The following CPQ variants were observed in gnomAD, a reference collection of about 807,000 sequenced individuals.
CPQ encodes the protein Ser-Met dipeptidase.
In CPQ, 37 loss-of-function variants were observed where a neutral mutation model predicts 45.7. The observed-to-expected ratio is 0.81, with a 90% CI of 0.62 to 1.07. The LOEUF is 1.07. Among genes scored for constraint, CPQ ranks in the 50% least tolerant of loss-of-function variants. The pLI is 0.00. For synonymous variants in CPQ, 186 were observed against 205.8 expected (o/e 0.90, Z 0.82); for missense variants, 537 against 572.9 (o/e 0.94, Z 0.64).
At chr8:97,027,162 A>T (rs1485766521) in intron 5 of CPQ, among the ~76,000 whole-genome samples, 4 of 152,238 alleles carry the variant, frequency 2.6e-5, no homozygotes, top group Non-Finnish European at 4.4e-5. Flanking sequence ...CTTTAAGCAC[A>T]TTCCTTTGAA....
intron 1 of CPQ, among the ~76,000 whole-genome samples, chr8:96,754,857 T>G (rs181233218): frequency 7.9e-5 from 12 of 152,122 alleles, no homozygotes; most frequent in African/African-American, 2.6e-4. Context: ...TTTCTTATTC[T>G]GTATCTTTCT....
At chr8:96,931,922 A>C (rs2130919185) in intron 4 of CPQ, among the ~76,000 whole-genome samples, 1 of 152,074 alleles carries the variant, frequency 6.6e-6, no homozygotes, top group South Asian at 2.1e-4. Context: ...ATCCCTCTGG[A>C]CTATTTCCCT....
At chr8:97,059,421 G>A (rs1810509650) in intron 6 of CPQ, among the ~76,000 whole-genome samples, 1 of 152,124 alleles carries the variant, frequency 6.6e-6, no homozygotes, top group Non-Finnish European at 1.5e-5. Flanking sequence ...GCTGCAGCCA[G>A]TTGAGCTATC....
chr8:96,773,041 A>G (rs750049932), intron 1 of CPQ, among the ~76,000 whole-genome samples: 28 of 152,342 alleles, frequency 1.8e-4, no homozygotes, highest in Non-Finnish European at 1.5e-4. Flanking sequence ...AGGAACAGCC[A>G]GGACCAGGTC....
intron 2 of CPQ, 78 bp from the exon 3 acceptor site, chr8:96,834,895 G>C: frequency 8.1e-7 from 1 of 1,232,052 alleles, no homozygotes; most frequent in South Asian, 1.4e-5. Flanking sequence ...GAAAGAGCAT[G>C]TATGTGACCT....
intron 3 of CPQ, among the ~76,000 whole-genome samples, chr8:96,868,456 C>G (rs1326966696): frequency 6.6e-6 from 1 of 151,982 alleles, no homozygotes; most frequent in Non-Finnish European, 1.5e-5. Context: ...CAGGGTGTTT[C>G]TTTAGTTGAC....
At chr8:96,931,925 A>G (rs954934281) in intron 4 of CPQ, among the ~76,000 whole-genome samples, 3 of 151,668 alleles carry the variant, frequency 2.0e-5, no homozygotes, top group Non-Finnish European at 4.4e-5. Flanking sequence ...CCTCTGGACT[A>G]TTTCCCTTTA....
intron 7 of CPQ, among the ~76,000 whole-genome samples, chr8:97,078,687 T>C (rs956238409): frequency 4.6e-5 from 7 of 152,152 alleles, no homozygotes; most frequent in Admixed American, 2.0e-4. Context: ...GTTTTTAGTA[T>C]GTATATTCTA....
chr8:96,670,929 G>A (rs1315587839), intron 1 of CPQ, among the ~76,000 whole-genome samples: 2 of 145,076 alleles, frequency 1.4e-5, no homozygotes, highest in Non-Finnish European at 1.5e-5. Flanking sequence ...GCAACAGGAC[G>A]GACGGATCCT....
chr8:96,930,349 A>G (rs1812956327), intron 4 of CPQ, among the ~76,000 whole-genome samples: 1 of 152,160 alleles, frequency 6.6e-6, no homozygotes, highest in South Asian at 2.1e-4. Flanking sequence ...AGTTAATCCA[A>G]AGAGTTGGTT....
intron 1 of CPQ, among the ~76,000 whole-genome samples, chr8:96,730,161 A>G (rs1191873408): frequency 6.6e-6 from 1 of 152,246 alleles, no homozygotes. Context: ...ATAGACCTTT[A>G]TAAAAGAACT....
chr8:96,717,024 AATATATATATATATATATATATATATAT>A (rs58338307), intron 1 of CPQ, among the ~76,000 whole-genome samples: 1,082 of 56,574 alleles, frequency 0.019, 73 homozygotes, highest in African/African-American at 0.071. Flanking sequence ...CCATGATATA[AATATATATATATATATATATATATATAT>A]ATATATATAT....
intron 1 of CPQ, among the ~76,000 whole-genome samples, chr8:96,772,975 A>G (rs1314459091): frequency 6.6e-6 from 1 of 152,200 alleles, no homozygotes; most frequent in Non-Finnish European, 1.5e-5. Flanking sequence ...ATGCCACCCC[A>G]TTTTTAAATA....
chr8:97,036,401 G>A (rs1810007745), intron 6 of CPQ, among the ~76,000 whole-genome samples: 1 of 152,044 alleles, frequency 6.6e-6, no homozygotes, highest in Non-Finnish European at 1.5e-5. Context: ...AATTTAACTG[G>A]CATTCACTTA....
rs111717553 is a variant in CPQ at position 96,646,584 on chromosome 8, C to T, written c.-35+1182C>T. Among the ~76,000 whole-genome samples the T allele has an allele frequency of 2.5e-3, 382 of 152,334 alleles. 3 individuals are homozygous for T. The highest frequency in any genetic ancestry group is 4.5e-3 in the Non-Finnish European group (303 of 68,032). ...GTAAACAAATAGGCTTAGCACATAGCTTTAATACAGTTGGTCACTGCAGCC... is the reference window on the plus strand; with the variant it reads ...GTAAACAAATAGGCTTAGCACATAGTTTTAATACAGTTGGTCACTGCAGCC... On this transcript the variant is annotated intron_variant, in intron 1 of 7. Coordinates refer to ENST00000220763, the MANE Select transcript of CPQ (RefSeq NM_016134.4).
Position 97,029,501 on chromosome 8 carries a change from AC to A in CPQ, c.1053+10del. 1 of 1,597,118 alleles carries A rather than the reference AC, an allele frequency of 6.3e-7. No homozygotes were observed. Among genetic ancestry groups the A allele is most frequent in the Non-Finnish European group, 8.5e-7 (1 of 1,170,146 alleles). On this transcript the variant is annotated splice_region_variant and intron_variant, in intron 6 of 7. Transcript: ENST00000220763. ...GTATTATCAGTTACACAAGGTAAAA[AC>A]CCAGCTGTGGATTGCTAAGCATTTG...
At chr8:96,762,279 T>C (rs1036907695) in intron 1 of CPQ, among the ~76,000 whole-genome samples, 3 of 152,182 alleles carry the variant, frequency 2.0e-5, no homozygotes, top group Admixed American at 2.0e-4. Flanking sequence ...ATTGGAAGTC[T>C]AAAGAGCATG....
chr8:96,810,778 G>A lies in CPQ; in HGVS notation c.434-24195G>A, dbSNP rs536255930. ...CCTCTGCTCATAAGAGACAGCTATA[G>A]TCTTGTCAGTCCTTTCACTCTGTTA... On this transcript the variant is annotated intron_variant, in intron 2 of 7. Coordinates refer to ENST00000220763, the MANE Select transcript of CPQ (RefSeq NM_016134.4). 1.8e-3 allele frequency among the ~76,000 whole-genome samples: 278 copies of A among 152,254 alleles called. 2 individuals carry two copies. The highest frequency in any genetic ancestry group is 6.5e-3 in the African/African-American group (270 of 41,554).
chr8:96,754,474 A>T (rs1005082772), intron 1 of CPQ, among the ~76,000 whole-genome samples: 2 of 152,028 alleles, frequency 1.3e-5, no homozygotes, highest in African/African-American at 4.8e-5. Context: ...GTGAGTTAGG[A>T]TAGCTTTTCC....
Sources: gnomAD v4.1 joint callset for allele counts (sites outside exome capture counted in the v4.1 genomes callset) on GRCh38, gnomAD v4.1.1 for gene constraint, MANE v1.5 for transcripts, NCBI Gene and HGNC (gene_info 2026-07-23, HGNC 2026-07-21) for gene names.